Variants in ADAMTSL1 observed in about 807,000 individuals in gnomAD.
The protein encoded by ADAMTSL1 is ADAMTS-like protein 1.
A neutral mutation model predicts 201.8 loss-of-function variants in ADAMTSL1; 126 were observed. The observed-to-expected ratio is 0.62, with a 90% CI of 0.54 to 0.72. The LOEUF is 0.72. Ranked by LOEUF, ADAMTSL1 falls within the 30% of genes least tolerant of loss-of-function variation. The pLI is 0.00. For missense variants in ADAMTSL1, 2,679 were observed against 2,277.8 expected, an observed-to-expected ratio of 1.18 and a Z score of -3.59; for synonymous variants, 1,121 against 903.4, an observed-to-expected ratio of 1.24 and a Z score of -4.32.
chr9:18,392,577 G>A (rs1403081337), intron 2 of ADAMTSL1, among the ~76,000 whole-genome samples: 1 of 152,004 alleles, frequency 6.6e-6, no homozygotes, highest in Non-Finnish European at 1.5e-5. Flanking sequence ...TTCTATCTTT[G>A]GCCCCTGCAT....
At chr9:18,264,269 T>A (rs557380192) in intron 2 of ADAMTSL1, among the ~76,000 whole-genome samples, 1 of 152,294 alleles carries the variant, frequency 6.6e-6, no homozygotes, top group South Asian at 2.1e-4. Flanking sequence ...GGCTATCTCA[T>A]CTATATTTTA....
intron 2 of ADAMTSL1, among the ~76,000 whole-genome samples, chr9:18,396,371 A>T (rs1817753042): frequency 6.6e-6 from 1 of 151,914 alleles, no homozygotes; most frequent in Non-Finnish European, 1.5e-5. Flanking sequence ...TAATCCATAA[A>T]ATCTAAGTCT....
chr9:18,904,633 CAAAAAAAAAAAAAAAAAAAAA>C (rs71333072), intron 26 of ADAMTSL1, among the ~76,000 whole-genome samples: 9 of 14,984 alleles, frequency 6.0e-4, no homozygotes, highest in East Asian at 5.7e-3. Flanking sequence ...GACCCTGCCT[CAAAAAAAAAAAAAAAAAAAAA>C]AAAAAAAAAA....
intron 1 of ADAMTSL1, among the ~76,000 whole-genome samples, chr9:17,921,406 A>T (rs1826294949): frequency 6.6e-6 from 1 of 151,962 alleles, no homozygotes; most frequent in African/African-American, 2.4e-5. Context: ...ATATTCCAAA[A>T]ATTTATTTTC....
intron 1 of ADAMTSL1, among the ~76,000 whole-genome samples, chr9:18,129,701 C>T (rs1199315440): frequency 2.0e-5 from 3 of 152,064 alleles, no homozygotes; most frequent in African/African-American, 7.2e-5. Context: ...AACAATTTTC[C>T]TTCATATTAG....
At chr9:18,624,440 A>G (rs539818829) in intron 5 of ADAMTSL1, among the ~76,000 whole-genome samples, 1 of 152,242 alleles carries the variant, frequency 6.6e-6, no homozygotes, top group Non-Finnish European at 1.5e-5. Context: ...ATGGAATGCT[A>G]AAAGAATTAA....
chr9:18,381,337 T>G (rs1285907107), intron 2 of ADAMTSL1, among the ~76,000 whole-genome samples: 1 of 152,236 alleles, frequency 6.6e-6, no homozygotes, highest in African/African-American at 2.4e-5. Context: ...CTACCATTTA[T>G]TGAATACCTA....
chr9:18,785,834 G>A (rs1458545754), intron 19 of ADAMTSL1, among the ~76,000 whole-genome samples: 2 of 152,228 alleles, frequency 1.3e-5, no homozygotes, highest in African/African-American at 4.8e-5. Context: ...TGACTTCCTT[G>A]TAGAAGAGCC....
chr9:18,568,834 A>G (rs1211408260), intron 3 of ADAMTSL1, among the ~76,000 whole-genome samples: 1 of 151,982 alleles, frequency 6.6e-6, no homozygotes. Flanking sequence ...TAAAAGCATT[A>G]ATAGGATGGC....
intron 1 of ADAMTSL1, among the ~76,000 whole-genome samples, chr9:18,477,641 C>T (rs186600685): frequency 1.3e-5 from 2 of 152,344 alleles, no homozygotes; most frequent in East Asian, 3.9e-4. Context: ...TTCTTTTTCT[C>T]AGACCTAGAT....
chr9:17,909,954 A>G lies in ADAMTSL1; in HGVS notation c.87+3032A>G, dbSNP rs563311073. On this transcript the variant is annotated intron_variant, in intron 1 of 29. Coordinates refer to the ADAMTSL1 transcript ENST00000680146. ...TATGTAACTAACCTGCACATTGTGC[A>G]CATTTACCCTAAAACTTAAAGTATA... Among the ~76,000 whole-genome samples the G allele has an allele frequency of 3.1e-5, 2 of 65,488 alleles. 1 individual carries two copies. The highest frequency in any genetic ancestry group is 6.2e-5 in the African/African-American group (2 of 32,160). The allele number at this position is 65,488 out of a possible 152,430, so 43.0% of individuals were successfully genotyped here. A position where few individuals can be genotyped will look rare whatever the true frequency, so the allele number is the denominator to read the frequency against.
chr9:18,411,070 G>A (rs759008476), intron 2 of ADAMTSL1, among the ~76,000 whole-genome samples: 2 of 151,176 alleles, frequency 1.3e-5, no homozygotes, highest in Non-Finnish European at 2.9e-5. Context: ...CACCATGTTG[G>A]CCAGGATGGT....
chr9:18,125,545 T>G (rs190455797), intron 1 of ADAMTSL1, among the ~76,000 whole-genome samples: 1 of 152,162 alleles, frequency 6.6e-6, no homozygotes, highest in East Asian at 1.9e-4. Context: ...CTTCTAAGAG[T>G]TTTATAATTT....
At chr9:18,028,667 T>G (rs1820802929) in intron 1 of ADAMTSL1, among the ~76,000 whole-genome samples, 1 of 152,168 alleles carries the variant, frequency 6.6e-6, no homozygotes, top group Admixed American at 6.5e-5. Context: ...ACTGTAGCCT[T>G]GTAGTATAGT....
intron 4 of ADAMTSL1, among the ~76,000 whole-genome samples, chr9:18,597,711 T>C (rs1183687246): frequency 6.6e-6 from 1 of 152,090 alleles, no homozygotes; most frequent in African/African-American, 2.4e-5. Flanking sequence ...AAATATCAAG[T>C]GAGGAAAGGG....
chr9:18,124,480 C>T (rs200332845), intron 1 of ADAMTSL1, among the ~76,000 whole-genome samples: 1 of 152,188 alleles, frequency 6.6e-6, no homozygotes, highest in East Asian at 1.9e-4. Flanking sequence ...ATTCTGGATG[C>T]TAGGCCTGCA....
At chr9:18,414,339 A>G (rs1361682054) in intron 2 of ADAMTSL1, among the ~76,000 whole-genome samples, 1 of 152,222 alleles carries the variant, frequency 6.6e-6, no homozygotes, top group African/African-American at 2.4e-5. Context: ...AACAAATGAG[A>G]GACTTCTTAA....
intron 2 of ADAMTSL1, among the ~76,000 whole-genome samples, chr9:18,204,110 G>T (rs988195104): frequency 2.0e-5 from 3 of 152,100 alleles, no homozygotes; most frequent in Admixed American, 2.0e-4. Context: ...CTGTGGGCTA[G>T]CTGCTCTTTG....
In ADAMTSL1 at chr9:18,675,891, T is replaced by C; in HGVS notation, c.1120T>C (p.Tyr374His). The C allele has an allele frequency of 5.6e-6, 9 of 1,613,260 alleles. No homozygotes were observed. The highest frequency in any genetic ancestry group is 7.6e-6 in the Non-Finnish European group (9 of 1,179,312). ...GYKQIMPYDL[Y>H]HPLPRWEATP... The stretch of plus-strand genomic sequence containing the variant: ...CAAGCAGATCATGCCTTATGACCTC[T>C]ACCATCCCCTTCCTCGGTACGTAAA... The change falls in exon 10 of 29, where the codon TAC becomes CAC. Residue 374 changes from tyrosine to histidine, a missense_variant. By Grantham distance (83) the Tyr-to-His change is moderately conservative. Coordinates refer to ENST00000380548, the MANE Select transcript of ADAMTSL1 (RefSeq NM_001040272.6).
Sources: allele counts gnomAD v4.1 joint callset (sites outside exome capture counted in the v4.1 genomes callset), GRCh38; gene constraint gnomAD v4.1.1; transcripts MANE v1.5; gene names NCBI Gene and HGNC (gene_info 2026-07-23, HGNC 2026-07-21).